The following ASPRV1 variants were observed in gnomAD, a reference collection of about 807,000 sequenced individuals.
ASPRV1 encodes the protein retroviral-like aspartic protease 1.
In ASPRV1, 7 loss-of-function variants were observed where a neutral mutation model predicts 11.0. The ratio of observed to expected loss-of-function variants is 0.64; its 90% CI spans 0.36 to 1.20. The LOEUF (loss-of-function observed/expected upper bound fraction) is 1.20. ASPRV1 is among the 50% of genes most tolerant of loss of function. ASPRV1 has a pLI of 0.02. For missense variants in ASPRV1, 299 were observed against 320.0 expected, an observed-to-expected ratio of 0.93 and a Z score of 0.50; for synonymous variants, 136 against 138.4, an observed-to-expected ratio of 0.98 and a Z score of 0.12.
the ASPRV1 span, among the ~76,000 whole-genome samples, chr2:70,038,865 G>A: frequency 2.6e-5 from 4 of 152,110 alleles, no homozygotes; most frequent in African/African-American, 7.2e-5. Context: ...GATCACCTGA[G>A]GTTGGGAGTT....
At chr2:69,992,856 C>T in the ASPRV1 span, among the ~76,000 whole-genome samples, 1 of 152,272 alleles carries the variant, frequency 6.6e-6, no homozygotes, top group Admixed American at 6.5e-5. Flanking sequence ...ATGCATTACA[C>T]GTGCATTACG....
At chr2:69,936,358 C>T in the ASPRV1 span, among the ~76,000 whole-genome samples, 1 of 152,108 alleles carries the variant, frequency 6.6e-6, no homozygotes, top group Non-Finnish European at 1.5e-5. Flanking sequence ...GGTCTTTGTG[C>T]TCACCTCACA....
the ASPRV1 span, among the ~76,000 whole-genome samples, chr2:69,983,307 G>T: frequency 8.5e-5 from 13 of 152,194 alleles, no homozygotes; most frequent in Admixed American, 8.5e-4. Flanking sequence ...ACACATTTTT[G>T]CAGGATTTGG....
At chr2:70,040,087 T>C in the ASPRV1 span, among the ~76,000 whole-genome samples, 3 of 152,214 alleles carry the variant, frequency 2.0e-5, no homozygotes, top group Non-Finnish European at 4.4e-5. Context: ...TGTTTGGCTA[T>C]TATGAGTAAG....
At chr2:70,077,497 AC>A in the ASPRV1 span, 1 of 152,246 alleles carries the variant, frequency 6.6e-6, no homozygotes, top group Admixed American at 6.5e-5. Flanking sequence ...AGGAAAAAAA[AC>A]CATACACTTA....
At chr2:69,969,846 C>T in the ASPRV1 span, among the ~76,000 whole-genome samples, 1 of 152,138 alleles carries the variant, frequency 6.6e-6, no homozygotes, top group Non-Finnish European at 1.5e-5. Flanking sequence ...CCAGTTCCAC[C>T]TTAGAGGGGA....
At chr2:70,023,248 T>G in the ASPRV1 span, among the ~76,000 whole-genome samples, 1 of 152,160 alleles carries the variant, frequency 6.6e-6, no homozygotes, top group South Asian at 2.1e-4. Context: ...TCAGGTGTCT[T>G]GTCTTCTTCA....
At chr2:70,026,543 A>G in the ASPRV1 span, among the ~76,000 whole-genome samples, 2 of 152,202 alleles carry the variant, frequency 1.3e-5, no homozygotes, top group South Asian at 4.1e-4. Context: ...AATCAGTAGC[A>G]TTTCTATACA....
downstream of ASPRV1, among the ~76,000 whole-genome samples, chr2:69,958,872 AC>A (rs1310654438): frequency 1.3e-5 from 2 of 152,084 alleles, no homozygotes; most frequent in Non-Finnish European, 2.9e-5. Context: ...TCTAGGCATC[AC>A]TTTTCTGGAA....
the ASPRV1 span, among the ~76,000 whole-genome samples, chr2:69,989,521 CG>C: frequency 2.5e-4 from 38 of 152,286 alleles, no homozygotes; most frequent in African/African-American, 8.7e-4. Flanking sequence ...GGCCCTGGGG[CG>C]GGTCCCTGAG....
chr2:70,033,711 G>C, the ASPRV1 span, among the ~76,000 whole-genome samples: 1 of 152,286 alleles, frequency 6.6e-6, no homozygotes, highest in South Asian at 2.1e-4. Flanking sequence ...TTTAGAAGAA[G>C]AACTGGCCAC....
chr2:70,063,534 G>C, the ASPRV1 span, among the ~76,000 whole-genome samples: 1 of 152,192 alleles, frequency 6.6e-6, no homozygotes, highest in Non-Finnish European at 1.5e-5. Flanking sequence ...CCTTCACCCT[G>C]TCTGAAGGAA....
upstream of ASPRV1, among the ~76,000 whole-genome samples, chr2:69,965,250 G>A (rs1413963032): frequency 6.6e-6 from 1 of 152,076 alleles, no homozygotes; most frequent in Non-Finnish European, 1.5e-5. Context: ...GTGTTAGCCA[G>A]GATGGATCTC....
the ASPRV1 span, among the ~76,000 whole-genome samples, chr2:70,014,898 A>G: frequency 6.6e-6 from 1 of 152,154 alleles, no homozygotes; most frequent in Non-Finnish European, 1.5e-5. Context: ...AGGATTTACT[A>G]TCCAGAATAT....
chr2:70,055,274 G>T, the ASPRV1 span, among the ~76,000 whole-genome samples: 1 of 152,018 alleles, frequency 6.6e-6, no homozygotes, highest in Non-Finnish European at 1.5e-5. Flanking sequence ...ACTACACTCT[G>T]ATGCCACTGG....
At chr2:70,002,811 G>C in the ASPRV1 span, among the ~76,000 whole-genome samples, 2 of 152,182 alleles carry the variant, frequency 1.3e-5, no homozygotes, top group Non-Finnish European at 1.5e-5. Context: ...GGGCTGATCA[G>C]AATAGCCCTA....
the ASPRV1 span, among the ~76,000 whole-genome samples, chr2:70,029,167 G>A: frequency 6.6e-6 from 1 of 152,106 alleles, no homozygotes; most frequent in South Asian, 2.1e-4. Flanking sequence ...CAATCCAGCA[G>A]AAAGAGGATT....
chr2:70,022,208 G>C, the ASPRV1 span, among the ~76,000 whole-genome samples: 1 of 151,430 alleles, frequency 6.6e-6, no homozygotes, highest in African/African-American at 2.4e-5. Flanking sequence ...GTAGAGACGG[G>C]GTTTCACCGT....
At chr2:69,934,998 T>C in the ASPRV1 span, among the ~76,000 whole-genome samples, 2 of 152,234 alleles carry the variant, frequency 1.3e-5, no homozygotes, top group African/African-American at 2.4e-5. Flanking sequence ...CATTTAATAC[T>C]TCAATAAACT....
Sources: allele counts gnomAD v4.1 joint callset (sites outside exome capture counted in the v4.1 genomes callset), GRCh38; gene constraint gnomAD v4.1.1; transcripts MANE v1.5; gene names NCBI Gene and HGNC (gene_info 2026-07-23, HGNC 2026-07-21).